Variants in SDK1 observed in about 807,000 individuals in gnomAD.
The protein encoded by SDK1 is sidekick cell adhesion molecule 1.
SDK1 carries 157 observed loss-of-function variants against 245.5 expected under a neutral mutation model. That is an observed-to-expected ratio of 0.64 (90% CI 0.56 to 0.73). The LOEUF is 0.73. SDK1 is among the 30% of genes least tolerant of loss of function. SDK1 has a pLI of 0.00. For synonymous variants in SDK1, 1,647 were observed against 1,278.5 expected (o/e 1.29, Z -6.15); for missense variants, 3,583 against 3,002.3 (o/e 1.19, Z -4.52).
intron 5 of SDK1, among the ~76,000 whole-genome samples, chr7:3,856,817 T>G (rs532893428): frequency 6.6e-6 from 1 of 152,294 alleles, no homozygotes; most frequent in East Asian, 1.9e-4. Context: ...TATATGCTAC[T>G]TATAGGATAT....
At position 3,707,965 on chromosome 7, in the gene SDK1, G is replaced by A. The variant is rs541586330; in HGVS notation, c.713+65860G>A. Among the ~76,000 whole-genome samples, 204 of 152,084 alleles carry A rather than the reference G, an allele frequency of 1.3e-3. 5 individuals carry two copies. In the South Asian group the frequency reaches 0.041, roughly 31 times the overall value. On this transcript the variant is annotated intron_variant, in intron 4 of 44. Coordinates refer to ENST00000404826, the MANE Select transcript of SDK1 (RefSeq NM_152744.4). The stretch of plus-strand genomic sequence containing the variant: ...TGAATCCTCATGTATTAGTCTCATT[G>A]CTATAAAGAAATACCTGAGACTGAG...
At chr7:4,127,179 A>G (rs1468133859) in intron 25 of SDK1, among the ~76,000 whole-genome samples, 2 of 152,156 alleles carry the variant, frequency 1.3e-5, no homozygotes, top group Admixed American at 6.5e-5. Flanking sequence ...GCTGCTAAGT[A>G]CCCAGGATTT....
rs1051960156 is a variant in SDK1 at position 3,598,685 on chromosome 7, G to A, written c.299-20395G>A. Among the ~76,000 whole-genome samples, 3 of 152,132 alleles carry A rather than the reference G, an allele frequency of 2.0e-5. No homozygotes were observed. In the East Asian group the frequency reaches 5.8e-4, roughly 29 times the overall value. ...TATTTCTATACTTTTGTCATTTCAA[G>A]AATATTATATAAAAGGAATCACACT... On this transcript the variant is annotated intron_variant, in intron 1 of 44. Coordinates refer to ENST00000404826, the MANE Select transcript of SDK1 (RefSeq NM_152744.4).
At chr7:3,816,162 A>G (rs1049477736) in intron 4 of SDK1, among the ~76,000 whole-genome samples, 3 of 148,600 alleles carry the variant, frequency 2.0e-5, no homozygotes, top group African/African-American at 7.6e-5. Flanking sequence ...CAAAATTGAC[A>G]CCCTAACATC....
intron 5 of SDK1, among the ~76,000 whole-genome samples, chr7:3,891,563 C>T (rs1253090517): frequency 4.6e-5 from 7 of 152,202 alleles, no homozygotes. Context: ...TTCCGGTCAA[C>T]CCCGTGTGCC....
At chr7:3,476,538 G>A (rs886407342) in intron 1 of SDK1, among the ~76,000 whole-genome samples, 17 of 152,144 alleles carry the variant, frequency 1.1e-4, no homozygotes, top group African/African-American at 4.1e-4. Flanking sequence ...AAAAAGTTTG[G>A]GGTCATATAG....
At position 3,355,216 on chromosome 7, in the gene SDK1, G is replaced by A. The variant is rs558377020; in HGVS notation, c.298+53332G>A. ...AATATTCTCTGAAACTAGACCTAAA[G>A]TTCTTAAAATATAAATGCGTCATTC... On this transcript the variant is annotated intron_variant, in intron 1 of 44. Coordinates refer to ENST00000404826, the MANE Select transcript of SDK1 (RefSeq NM_152744.4). Among the ~76,000 whole-genome samples, 3 of 152,258 alleles carry A rather than the reference G, an allele frequency of 2.0e-5. No homozygotes were observed. In the South Asian group the frequency reaches 6.2e-4, roughly 32 times the overall value.
chr7:3,312,219 T>G (rs1452000633), intron 1 of SDK1, among the ~76,000 whole-genome samples: 1 of 152,108 alleles, frequency 6.6e-6, no homozygotes, highest in Non-Finnish European at 1.5e-5. Flanking sequence ...TAGCATAAAA[T>G]CTGGTCTAGA....
intron 5 of SDK1, among the ~76,000 whole-genome samples, chr7:3,885,414 C>G (rs1009113333): frequency 6.6e-6 from 1 of 152,156 alleles, no homozygotes; most frequent in Non-Finnish European, 1.5e-5. Flanking sequence ...TGCAGTGCAG[C>G]CCTCTCTGAT....
chr7:3,555,794 C>G (rs536538842), intron 1 of SDK1, among the ~76,000 whole-genome samples: 1 of 152,064 alleles, frequency 6.6e-6, no homozygotes, highest in African/African-American at 2.4e-5. Flanking sequence ...AGAAGACATA[C>G]AAATGGCAAA....
rs1779968143 is a variant in SDK1 at position 3,931,271 on chromosome 7, T to G, written c.848-19652T>G. Among the ~76,000 whole-genome samples the G allele has an allele frequency of 2.0e-5, 3 of 152,190 alleles. No individual in the cohort carries two copies. In the South Asian group the frequency reaches 6.2e-4, roughly 32 times the overall value. On this transcript the variant is annotated intron_variant, in intron 5 of 44. Coordinates refer to ENST00000404826, the MANE Select transcript of SDK1 (RefSeq NM_152744.4). ...CACTTAAAAGTGGTAGTACCCAGAA[T>G]GGAAGAAATATTCTATCAGTCTGGG...
chr7:4,024,895 C>T (rs895620854), intron 17 of SDK1, among the ~76,000 whole-genome samples: 14 of 132,152 alleles, frequency 1.1e-4, no homozygotes, highest in African/African-American at 4.4e-4. Context: ...TTCCCACAGC[C>T]GCATTATGTG....
At chr7:3,773,598 T>C (rs1033900627) in intron 4 of SDK1, among the ~76,000 whole-genome samples, 3 of 152,206 alleles carry the variant, frequency 2.0e-5, no homozygotes, top group Non-Finnish European at 2.9e-5. Flanking sequence ...CTTATTTCTT[T>C]GTATGCCTTG....
intron 1 of SDK1, among the ~76,000 whole-genome samples, chr7:3,578,381 G>T (rs923348807): frequency 1.3e-5 from 2 of 152,036 alleles, no homozygotes. Flanking sequence ...TGCGGAAACA[G>T]GACAAGGCAA....
intron 36 of SDK1, 82 bp downstream of exon 36, chr7:4,206,076 C>A: frequency 2.2e-6 from 2 of 902,410 alleles, no homozygotes. Context: ...GCATTGCCAG[C>A]AGCAGACCCC....
At chr7:3,978,740 A>G (rs903267859) in intron 13 of SDK1, among the ~76,000 whole-genome samples, 2 of 152,126 alleles carry the variant, frequency 1.3e-5, no homozygotes, top group African/African-American at 4.8e-5. Context: ...ATTTACTCAG[A>G]TAACCAAAAA....
intron 19 of SDK1, among the ~76,000 whole-genome samples, chr7:4,053,552 C>T (rs776440464): frequency 6.6e-6 from 1 of 152,126 alleles, no homozygotes; most frequent in South Asian, 2.1e-4. Context: ...GACTGTGCTG[C>T]CCCTGGAGCT....
At chr7:4,143,803 G>A (rs374773312) in intron 28 of SDK1, among the ~76,000 whole-genome samples, 4 of 152,194 alleles carry the variant, frequency 2.6e-5, no homozygotes, top group Non-Finnish European at 4.4e-5. Flanking sequence ...TCACTTTCTC[G>A]CTGGGGACCC....
chr7:3,559,350 T>C (rs888334422), intron 1 of SDK1, among the ~76,000 whole-genome samples: 1 of 152,206 alleles, frequency 6.6e-6, no homozygotes, highest in African/African-American at 2.4e-5. Flanking sequence ...TCCGCGGTTA[T>C]GCAGCATGGT....
Sources: gnomAD v4.1 joint callset for allele counts (sites outside exome capture counted in the v4.1 genomes callset) on GRCh38, gnomAD v4.1.1 for gene constraint, MANE v1.5 for transcripts, NCBI Gene and HGNC (gene_info 2026-07-23, HGNC 2026-07-21) for gene names.